The following BCR variants were observed in gnomAD, a reference collection of about 807,000 sequenced individuals.
BCR encodes the protein breakpoint cluster region protein.
Under a neutral mutation model 138.6 loss-of-function variants are expected in BCR, and 58 were observed. The observed-to-expected ratio is 0.42, with a 90% CI of 0.34 to 0.52. BCR has a LOEUF of 0.52. BCR is among the 20% of genes least tolerant of loss of function. The pLI is 0.06. For missense variants in BCR, 1,599 were observed against 1,727.2 expected, an observed-to-expected ratio of 0.93 and a Z score of 1.32; for synonymous variants, 786 against 730.1, an observed-to-expected ratio of 1.08 and a Z score of -1.23.
At chr22:23,252,857 TTC>T (rs543946416) in intron 1 of BCR, among the ~76,000 whole-genome samples, 78 of 152,278 alleles carry the variant, frequency 5.1e-4, no homozygotes, top group African/African-American at 1.8e-3. Context: ...CACCAAGCAG[TTC>T]TCTGCAGACA....
At position 23,240,302 on chromosome 22, in the gene BCR, CGTGTGTGTGT is replaced by C. The variant is rs200491524; in HGVS notation, c.1280-13464_1280-13455del. On this transcript the variant is annotated intron_variant, in intron 1 of 22. Coordinates refer to ENST00000305877, the MANE Select transcript of BCR (RefSeq NM_004327.4). Reference sequence around the variant, plus strand: ...TTTTAAATTTCAGAGCCTGGCTGATCGTGTGTGTGTGTGTGTGTGTGTGTGTGTGTGTGTG... The same window carrying C: ...TTTTAAATTTCAGAGCCTGGCTGATCGTGTGTGTGTGTGTGTGTGTGTGTG... Among the ~76,000 whole-genome samples the C allele has an allele frequency of 3.7e-3, 532 of 144,106 alleles. 3 individuals are homozygous for C. Among genetic ancestry groups the C allele is most frequent in the African/African-American group, 8.0e-3 (309 of 38,660 alleles). 94.5% of individuals were successfully genotyped at this position (144,106 alleles called of 152,430 possible).
chr22:23,228,099 G>T (rs762459950), intron 1 of BCR, among the ~76,000 whole-genome samples: 1 of 152,074 alleles, frequency 6.6e-6, no homozygotes. Context: ...TTGGTCATTT[G>T]TGCCTTTCTT....
In BCR at chr22:23,201,521, G is replaced by A. The variant is rs1293520202; in HGVS notation, c.1279+19282G>A. 3.9e-5 allele frequency among the ~76,000 whole-genome samples: 6 copies of A among 152,130 alleles called. No homozygotes were observed. In the East Asian group the frequency reaches 1.2e-3, roughly 29 times the overall value. ...TCCCCAGGCTGGAGTGCAGTGGGGC[G>A]ATCTTGGCTCACTGCAAGCTCCGCC... On this transcript the variant is annotated intron_variant, in intron 1 of 22. Transcript: ENST00000305877.
chr22:23,186,608 A>G (rs547585001), intron 1 of BCR, among the ~76,000 whole-genome samples: 1 of 152,090 alleles, frequency 6.6e-6, no homozygotes, highest in Admixed American at 6.5e-5. Flanking sequence ...GAATTCAGCT[A>G]TTATAGATAC....
chr22:23,248,855 C>T (rs1374467626), intron 1 of BCR, among the ~76,000 whole-genome samples: 2 of 152,182 alleles, frequency 1.3e-5, no homozygotes, highest in Non-Finnish European at 1.5e-5. Context: ...TCAGTCCTGC[C>T]AAGGGTGAGG....
At chr22:23,182,271 C>T (rs765988278) in intron 1 of BCR, 32 bp downstream of exon 1, 31 of 1,505,680 alleles carry the variant, frequency 2.1e-5, no homozygotes, top group Middle Eastern at 1.7e-4. Context: ...CGTGGGCACA[C>T]CTGCACGGGG....
At chr22:23,183,814 G>T (rs187398995) in intron 1 of BCR, among the ~76,000 whole-genome samples, 3 of 152,320 alleles carry the variant, frequency 2.0e-5, no homozygotes, top group Admixed American at 6.5e-5. Flanking sequence ...CAGAACCTTG[G>T]GCCCAGCCTT....
intron 5 of BCR, among the ~76,000 whole-genome samples, chr22:23,269,907 G>A (rs16998932): frequency 0.055 from 8,431 of 152,138 alleles, 796 homozygotes; most frequent in African/African-American, 0.19. Context: ...CGCCACCTGG[G>A]GATCACGTGG....
At chr22:23,254,596 G>A (rs548830660) in intron 2 of BCR, 15 of 518,848 alleles carry the variant, frequency 2.9e-5, no homozygotes, top group South Asian at 1.3e-4. Context: ...AACGTAGCCC[G>A]GGCTGGTTGC....
At chr22:23,313,865 C>T (rs1224357966) in intron 20 of BCR, 103 bp from the exon 21 acceptor site, 41 of 926,856 alleles carry the variant, frequency 4.4e-5, no homozygotes, top group Admixed American at 3.9e-4. Flanking sequence ...GATGACGAGC[C>T]TGGGCTGTGC....
At chr22:23,253,722 G>A in intron 1 of BCR, 77 bp from the exon 2 acceptor site, 1 of 1,513,296 alleles carries the variant, frequency 6.6e-7, no homozygotes, top group Non-Finnish European at 9.0e-7. Flanking sequence ...GGTGTCAGCT[G>A]GGTGCTTGCT....
chr22:23,203,736 G>A (rs1389368195), intron 1 of BCR, among the ~76,000 whole-genome samples: 4 of 152,192 alleles, frequency 2.6e-5, no homozygotes, highest in Non-Finnish European at 5.9e-5. Flanking sequence ...AAGTTTGCTA[G>A]TTTATTGCTG....
chr22:23,233,191 G>A (rs1328290905), intron 1 of BCR, among the ~76,000 whole-genome samples: 1 of 152,182 alleles, frequency 6.6e-6, no homozygotes, highest in Non-Finnish European at 1.5e-5. Flanking sequence ...GGGCCCCAGT[G>A]CCTGTAGTTC....
intron 8 of BCR, among the ~76,000 whole-genome samples, chr22:23,274,907 CA>C (rs758602402): frequency 2.1e-3 from 179 of 84,008 alleles, no homozygotes; most frequent in East Asian, 6.6e-3. Flanking sequence ...AACTCCATCT[CA>C]AAAAAAAAAA....
intron 22 of BCR, among the ~76,000 whole-genome samples, chr22:23,315,004 C>T (rs1427305283): frequency 1.4e-4 from 22 of 152,294 alleles, no homozygotes; most frequent in South Asian, 2.1e-4. Flanking sequence ...GCAGGATAAC[C>T]AATCCCAGGT....
chr22:23,268,309 C>A, intron 4 of BCR, 99 bp from the exon 5 acceptor site: 2 of 953,392 alleles, frequency 2.1e-6, no homozygotes, highest in Admixed American at 2.8e-5. Context: ...CGTCTGCTGT[C>A]CCTGGAGTTT....
chr22:23,213,789 C>T (rs962764945), intron 1 of BCR, among the ~76,000 whole-genome samples: 14 of 150,868 alleles, frequency 9.3e-5, no homozygotes, highest in African/African-American at 3.4e-4. Context: ...GCTATGATTG[C>T]ACCACTGTAC....
chr22:23,267,284 C>T (rs957068675), intron 4 of BCR, among the ~76,000 whole-genome samples: 3 of 151,946 alleles, frequency 2.0e-5, no homozygotes, highest in African/African-American at 7.3e-5. Context: ...GAGGAAGAAC[C>T]TAGAATTGGA....
chr22:23,288,298 G>A (rs2073741105), intron 12 of BCR, 126 bp downstream of exon 12: 2 of 976,322 alleles, frequency 2.0e-6, no homozygotes, highest in Non-Finnish European at 3.2e-6. Context: ...TTGCATGGAG[G>A]GCTAATTTAG....
Sources: allele counts gnomAD v4.1 joint callset (sites outside exome capture counted in the v4.1 genomes callset), GRCh38; gene constraint gnomAD v4.1.1; transcripts MANE v1.5; gene names NCBI Gene and HGNC (gene_info 2026-07-23, HGNC 2026-07-21).